Variants in GALNS observed in about 807,000 individuals in gnomAD.
GALNS encodes N-acetylgalactosamine-6-sulfatase.
A neutral mutation model predicts 65.9 loss-of-function variants in GALNS; 65 were observed. The observed-to-expected ratio is 0.99, with a 90% CI of 0.81 to 1.21. The LOEUF (loss-of-function observed/expected upper bound fraction) is 1.21. Ranked by LOEUF, GALNS falls within the 50% of genes most tolerant of loss-of-function variation. The probability of loss-of-function intolerance (pLI) is 0.00; values close to 1 mark genes in which losing one functional copy is unlikely to be tolerated. For missense variants in GALNS, 776 were observed against 700.7 expected, an observed-to-expected ratio of 1.11 and a Z score of -1.21; for synonymous variants, 346 against 288.9, an observed-to-expected ratio of 1.20 and a Z score of -2.00.
chr16:88,844,650 A>G (rs2143006499), intron 1 of GALNS: 1 of 152,444 alleles, frequency 6.6e-6, no homozygotes, highest in East Asian at 1.9e-4. Flanking sequence ...GCACAAACAC[A>G]CAACACCTGG....
At chr16:88,815,838 G>A (rs1024884454) in intron 13 of GALNS, 8 of 984,620 alleles carry the variant, frequency 8.1e-6, no homozygotes, top group South Asian at 4.7e-5. Context: ...AGAGGCAGCC[G>A]CAGGGTGTGT....
chr16:88,816,382 G>A (rs1909626887), intron 13 of GALNS: 1 of 985,396 alleles, frequency 1.0e-6, no homozygotes. Context: ...GGGCTCCTGG[G>A]GCCCCGAGAC....
intron 1 of GALNS, among the ~76,000 whole-genome samples, chr16:88,847,973 C>G (rs912037155): frequency 6.6e-6 from 1 of 152,248 alleles, no homozygotes; most frequent in African/African-American, 2.4e-5. Flanking sequence ...GAAGCCTCAG[C>G]CACACGTGGT....
At chr16:88,847,307 G>A (rs2143007704) in intron 1 of GALNS, among the ~76,000 whole-genome samples, 1 of 152,284 alleles carries the variant, frequency 6.6e-6, no homozygotes, top group East Asian at 1.9e-4. Context: ...GGAGGCAGAG[G>A]CTGCAGTGAG....
At position 88,837,680 on chromosome 16, in the gene GALNS, A is replaced by G. The variant is rs2143002372; in HGVS notation, c.508T>C (p.Tyr170His). The G allele has an allele frequency of 6.2e-7, 1 of 1,614,032 alleles. No homozygotes were observed. The highest frequency in any genetic ancestry group is 8.5e-7 in the Non-Finnish European group (1 of 1,179,992). ...ATGTTGGGCCTGGCCTTGTTGTCAT[A>G]AGGTCCAAAGTGGCAGTTGGGGGAT... The part of the protein sequence containing the change: ...FGSPNCHFGP[Y>H]DNKARPNIPV... The change falls in exon 5 of 14, where the codon TAT becomes CAT. Residue 170 changes from tyrosine (Y) to histidine (H), a missense_variant. Transcript: ENST00000268695.
intron 12 of GALNS, among the ~76,000 whole-genome samples, chr16:88,820,559 G>A (rs1168368528): frequency 1.3e-5 from 2 of 152,248 alleles, no homozygotes; most frequent in Non-Finnish European, 2.9e-5. Flanking sequence ...AGGCATGGCC[G>A]ACAGCTGGGC....
In GALNS at chr16:88,836,311, A is replaced by G. The variant is rs778232770; in HGVS notation, c.567-44T>C. ...CAGACAGACTTCAGAATTTAGGCCA[A>G]GAAAGTCCCGTTCTCCCTGATTTCA... On this transcript the variant is annotated intron_variant, in intron 5 of 13. Coordinates refer to ENST00000268695, the MANE Select transcript of GALNS (RefSeq NM_000512.5). 4.0e-6 allele frequency: 6 copies of G among 1,503,280 alleles called. No homozygotes were observed. In the African/African-American group the frequency reaches 6.9e-5, roughly 17 times the overall value. 93.1% of individuals were successfully genotyped at this position (1,503,280 alleles called of 1,614,324 possible).
At chr16:88,837,119 A>G (rs2143002086) in intron 5 of GALNS, among the ~76,000 whole-genome samples, 1 of 152,292 alleles carries the variant, frequency 6.6e-6, no homozygotes, top group South Asian at 2.1e-4. Flanking sequence ...AAAATTCACA[A>G]AAGATGAGGG....
intron 8 of GALNS, 26 bp from the exon 9 acceptor site, chr16:88,832,127 C>T (rs545581822): frequency 6.3e-7 from 1 of 1,593,018 alleles, no homozygotes; most frequent in South Asian, 1.1e-5. Flanking sequence ...CCTTGTCAGG[C>T]CACTGGGACC....
chr16:88,814,459 T>G lies in GALNS; in HGVS notation c.1549A>C (p.Lys517Gln), dbSNP rs1909421465. Residue 517 changes from lysine (K) to glutamine (Q), a missense_variant, in exon 14 of 14, where the codon AAG becomes CAG. Transcript: ENST00000268695. ...AGGTGCTAGTGGGACCAGAGGCACT[T>G]CTTGGGAATGGATTCTGGAGGTGTC... ...CLTPPESIPKKCLWSH is the reference protein window; with the variant it reads ...CLTPPESIPKQCLWSH The G allele has an allele frequency of 1.9e-6, 3 of 1,562,864 alleles. No individual in the cohort carries two copies. The highest frequency in any genetic ancestry group is 2.6e-6 in the Non-Finnish European group (3 of 1,153,048).
intron 4 of GALNS, chr16:88,838,458 T>C (rs1326028744): frequency 6.5e-6 from 1 of 152,844 alleles, no homozygotes; most frequent in Non-Finnish European, 1.5e-5. Context: ...CTGCTGGGAA[T>C]GGCCATCGCC....
intron 1 of GALNS, among the ~76,000 whole-genome samples, chr16:88,854,466 G>A (rs1006906141): frequency 2.8e-4 from 43 of 152,202 alleles, no homozygotes; most frequent in African/African-American, 9.2e-4. Context: ...GCCCTTCAGG[G>A]AACCCCCTCT....
intron 5 of GALNS, among the ~76,000 whole-genome samples, chr16:88,836,791 A>G (rs774469612): frequency 9.2e-5 from 14 of 152,198 alleles, no homozygotes; most frequent in Non-Finnish European, 1.8e-4. Context: ...ATAACCTGCC[A>G]CATGGGAAGA....
chr16:88,845,211 G>C (rs1349179911), intron 1 of GALNS: 3 of 152,184 alleles, frequency 2.0e-5, no homozygotes, highest in Admixed American at 1.3e-4. Context: ...GCCAGGCATG[G>C]TGGTGGGCAC....
chr16:88,840,724 C>T (rs1026228506), intron 4 of GALNS: 14 of 503,318 alleles, frequency 2.8e-5, no homozygotes, highest in Non-Finnish European at 4.7e-5. Context: ...GGGGCTGTGA[C>T]TCGAGGGATG....
Position 88,840,398 on chromosome 16 carries a change from G to A in GALNS, c.422+594C>T, listed in dbSNP as rs57250656. 2.2e-3 allele frequency: 346 copies of A among 157,956 alleles called. 3 individuals carry two copies. The highest frequency in any genetic ancestry group is 8.0e-3 in the African/African-American group (332 of 41,574). The allele number at this position is 157,956 out of a possible 1,614,324, so 9.8% of individuals were successfully genotyped here. ...ACAAGTGGAGAGAAATTCGGGACAG[G>A]TGACTCCTACCCAACCCTCTAGGCT... On this transcript the variant is annotated intron_variant, in intron 4 of 13. Transcript: ENST00000268695.
chr16:88,818,286 T>A (rs1909850568), intron 12 of GALNS, among the ~76,000 whole-genome samples, 162 bp from the exon 13 acceptor site: 1 of 152,088 alleles, frequency 6.6e-6, no homozygotes, highest in Admixed American at 6.6e-5. Flanking sequence ...CGGGCCTCGC[T>A]AGGACAGGCA....
intron 12 of GALNS, among the ~76,000 whole-genome samples, chr16:88,818,894 A>G (rs1315835855): frequency 1.3e-5 from 2 of 152,120 alleles, no homozygotes; most frequent in Non-Finnish European, 2.9e-5. Flanking sequence ...CCAGGCTGGG[A>G]GCTGCGTTGC....
At chr16:88,855,229 C>A in intron 1 of GALNS, 1 of 698,314 alleles carries the variant, frequency 1.4e-6, no homozygotes, top group Non-Finnish European at 2.6e-6. Context: ...CGCCTCACCC[C>A]TCTGTCCTCT....
Sources: gnomAD v4.1 joint callset for allele counts (sites outside exome capture counted in the v4.1 genomes callset) on GRCh38, gnomAD v4.1.1 for gene constraint, MANE v1.5 for transcripts, NCBI Gene and HGNC (gene_info 2026-07-23, HGNC 2026-07-21) for gene names.